The following FGF14 variants were observed in gnomAD, a reference collection of about 807,000 sequenced individuals.
The protein encoded by FGF14 is fibroblast growth factor homologous factor 4.
FGF14 carries 5 observed loss-of-function variants against 25.5 expected under a neutral mutation model. The observed-to-expected ratio is 0.20, with a 90% CI of 0.10 to 0.41. The LOEUF is 0.41. Among genes scored for constraint, FGF14 ranks in the 10% least tolerant of loss-of-function variants. FGF14 has a pLI of 1.00. For synonymous variants in FGF14, 138 were observed against 118.3 expected (o/e 1.17, Z -1.08); for missense variants, 222 against 320.1 (o/e 0.69, Z 2.34).
intron 1 of FGF14, among the ~76,000 whole-genome samples, chr13:101,995,623 T>C (rs1372414412): frequency 6.6e-6 from 1 of 152,144 alleles, no homozygotes; most frequent in Non-Finnish European, 1.5e-5. Flanking sequence ...GGATAACGTA[T>C]AAGCCAACAT....
chr13:101,952,318 C>G (rs181549493), intron 1 of FGF14, among the ~76,000 whole-genome samples: 3 of 151,956 alleles, frequency 2.0e-5, no homozygotes, highest in African/African-American at 7.3e-5. Flanking sequence ...CTTTGTTATA[C>G]GGCATGAAGT....
chr13:101,773,857 C>G (rs963572865), intron 3 of FGF14, among the ~76,000 whole-genome samples: 5 of 146,966 alleles, frequency 3.4e-5, no homozygotes, highest in Admixed American at 1.4e-4. Flanking sequence ...AAATGTATTC[C>G]TCCCATACTA....
At chr13:102,109,782 G>C (rs1045786006) in intron 1 of FGF14, among the ~76,000 whole-genome samples, 4 of 152,044 alleles carry the variant, frequency 2.6e-5, no homozygotes, top group African/African-American at 9.7e-5. Flanking sequence ...ACAACGCCCA[G>C]GTAATTTTTG....
At chr13:101,989,812 T>C (rs2038797507) in intron 1 of FGF14, among the ~76,000 whole-genome samples, 1 of 152,142 alleles carries the variant, frequency 6.6e-6, no homozygotes, top group South Asian at 2.1e-4. Context: ...GGATCTTTTG[T>C]AGGAGTTAAT....
At chr13:102,339,702 T>C (rs367760270) in intron 1 of FGF14, among the ~76,000 whole-genome samples, 28 of 152,286 alleles carry the variant, frequency 1.8e-4, no homozygotes, top group South Asian at 1.7e-3. Context: ...AAAAGGAGGA[T>C]AGAAAAAGAC....
At chr13:102,240,753 T>C (rs769907582) in intron 1 of FGF14, among the ~76,000 whole-genome samples, 3 of 152,128 alleles carry the variant, frequency 2.0e-5, no homozygotes, top group East Asian at 1.9e-4. Flanking sequence ...TTTTTTGAAA[T>C]ACCTACCACA....
intron 1 of FGF14, among the ~76,000 whole-genome samples, chr13:102,125,940 C>G (rs2045930904): frequency 6.6e-6 from 1 of 152,064 alleles, no homozygotes; most frequent in African/African-American, 2.4e-5. Context: ...TCTCAAATTT[C>G]AGGGGAAAGC....
chr13:102,323,089 G>A (rs2056305050), intron 1 of FGF14, among the ~76,000 whole-genome samples: 1 of 152,218 alleles, frequency 6.6e-6, no homozygotes, highest in South Asian at 2.1e-4. Context: ...TGACTCCAAA[G>A]GCTTTTGTTT....
chr13:102,365,234 CCA>C (rs145216748), intron 1 of FGF14, among the ~76,000 whole-genome samples: 1 of 151,152 alleles, frequency 6.6e-6, no homozygotes, highest in South Asian at 2.1e-4. Flanking sequence ...TCGGGAAAGT[CCA>C]CACACACACA....
chr13:102,204,818 T>G (rs2049833096), intron 1 of FGF14, among the ~76,000 whole-genome samples: 1 of 152,108 alleles, frequency 6.6e-6, no homozygotes, highest in Non-Finnish European at 1.5e-5. Context: ...GTGCTAGGAT[T>G]GGTGCAAGGA....
chr13:101,994,048 G>T (rs2039050165), intron 1 of FGF14, among the ~76,000 whole-genome samples: 1 of 151,954 alleles, frequency 6.6e-6, no homozygotes, highest in Non-Finnish European at 1.5e-5. Flanking sequence ...ATGGTTACAT[G>T]GGATTAAGAC....
At chr13:102,117,458 C>T (rs1321014012) in intron 1 of FGF14, among the ~76,000 whole-genome samples, 1 of 152,172 alleles carries the variant, frequency 6.6e-6, no homozygotes, top group Non-Finnish European at 1.5e-5. Context: ...AGCCTCAACT[C>T]GGCTTCGTAG....
chr13:101,932,597 T>G (rs2034835016), intron 1 of FGF14, among the ~76,000 whole-genome samples: 1 of 151,204 alleles, frequency 6.6e-6, no homozygotes, highest in Admixed American at 6.6e-5. Context: ...AATTACAGAT[T>G]TACATAGGAT....
At chr13:102,184,045 C>T (rs2048782571) in intron 1 of FGF14, among the ~76,000 whole-genome samples, 1 of 152,140 alleles carries the variant, frequency 6.6e-6, no homozygotes. Context: ...GCCTTCTTTG[C>T]ACATTCTGCA....
chr13:101,718,569 A>G lies in FGF14; in HGVS notation c.*4262T>C, dbSNP rs1034330241. ...ACTAACGCTGCTTGTTTGGCAAATC[A>G]TCATCACTGAGGTATTCCACCCAGA... On this transcript the variant is annotated 3_prime_UTR_variant, in exon 5 of 5. Transcript: ENST00000376143. 4.1e-5 allele frequency: 3 copies of G among 72,428 alleles called. No individual in the cohort carries two copies. The highest frequency in any genetic ancestry group is 8.1e-5 in the Non-Finnish European group (3 of 37,214). The allele number at this position is 72,428 out of a possible 1,614,324, so 4.5% of individuals were successfully genotyped here.
intron 1 of FGF14, among the ~76,000 whole-genome samples, chr13:101,979,622 T>G (rs2038130389): frequency 6.6e-6 from 1 of 152,020 alleles, no homozygotes; most frequent in African/African-American, 2.4e-5. Context: ...TGGGATAGGA[T>G]GGTAAAGGAC....
intron 1 of FGF14, among the ~76,000 whole-genome samples, chr13:102,396,426 G>A (rs947012472): frequency 5.9e-5 from 9 of 152,294 alleles, no homozygotes; most frequent in East Asian, 3.9e-4. Flanking sequence ...TATAGAAGGC[G>A]TATGAGTCAA....
intron 1 of FGF14, among the ~76,000 whole-genome samples, chr13:102,397,296 G>A (rs1311484964): frequency 6.6e-6 from 1 of 152,194 alleles, no homozygotes; most frequent in Non-Finnish European, 1.5e-5. Flanking sequence ...AAACAGCTTA[G>A]TGAAAGGCAA....
At chr13:102,345,603 T>C (rs1480559539) in intron 1 of FGF14, among the ~76,000 whole-genome samples, 1 of 152,252 alleles carries the variant, frequency 6.6e-6, no homozygotes, top group Non-Finnish European at 1.5e-5. Context: ...CCGTGGGTTG[T>C]TCTTTTCTAG....
Sources: gnomAD v4.1 joint callset for allele counts (sites outside exome capture counted in the v4.1 genomes callset) on GRCh38, gnomAD v4.1.1 for gene constraint, MANE v1.5 for transcripts, NCBI Gene and HGNC (gene_info 2026-07-23, HGNC 2026-07-21) for gene names.